Variants in GSPT1 observed in about 807,000 individuals in gnomAD.
GSPT1 encodes eukaryotic peptide chain release factor GTP-binding subunit ERF3A.
In GSPT1, 20 loss-of-function variants were observed where a neutral mutation model predicts 72.5. The ratio of observed to expected loss-of-function variants is 0.28; its 90% CI spans 0.19 to 0.40. The LOEUF is 0.40. Ranked by LOEUF, GSPT1 falls within the 10% of genes least tolerant of loss-of-function variation. The pLI, the probability that GSPT1 is intolerant of heterozygous loss-of-function variation, is 1.00. For synonymous variants in GSPT1, 334 were observed against 293.5 expected, an observed-to-expected ratio of 1.14 and a Z score of -1.41; for missense variants, 580 against 811.9, an observed-to-expected ratio of 0.71 and a Z score of 3.47.
chr16:11,886,236 G>C (rs935255578), intron 9 of GSPT1, among the ~76,000 whole-genome samples: 1 of 152,060 alleles, frequency 6.6e-6, no homozygotes, highest in African/African-American at 2.4e-5. Context: ...GGGACTGGTA[G>C]CCAGTATTAA....
At chr16:11,891,216 T>C in intron 5 of GSPT1, 77 bp from the exon 6 acceptor site, 2 of 722,870 alleles carry the variant, frequency 2.8e-6, no homozygotes, top group Non-Finnish European at 2.2e-6. Flanking sequence ...ACGTGAAAAT[T>C]GTCGAAAATT....
intron 11 of GSPT1, chr16:11,882,270 C>G (rs2054131714): frequency 6.6e-6 from 1 of 152,182 alleles, no homozygotes; most frequent in Admixed American, 6.5e-5. Context: ...GCAGCAACAA[C>G]TAACTAAGAA....
chr16:11,894,144 A>C (rs1489874672), intron 5 of GSPT1, among the ~76,000 whole-genome samples: 1 of 128,162 alleles, frequency 7.8e-6, no homozygotes, highest in Non-Finnish European at 1.6e-5. Flanking sequence ...TGACAGAATG[A>C]GACCCTATCT....
chr16:11,915,673 C>CCG lies in GSPT1; in HGVS notation c.47_48insCG (p.Ser17GlyfsTer131). ...CGCTGCTGCTGCTGCCGCTGCTGCT[C>CCG]CCGCCGCCGCCGCCGCCGCCGCCGC... On this transcript the variant is annotated frameshift_variant, in exon 1 of 15. Transcript: ENST00000434724. LOFTEE classifies it high-confidence loss of function. The CCG allele has an allele frequency of 6.8e-7, 1 of 1,471,628 alleles. No individual in the cohort carries two copies. The highest frequency in any genetic ancestry group is 9.0e-7 in the Non-Finnish European group (1 of 1,116,358). 91.2% of individuals were successfully genotyped at this position (1,471,628 alleles called of 1,614,324 possible). A position where few individuals can be genotyped will look rare whatever the true frequency, so the allele number is the denominator to read the frequency against.
intron 1 of GSPT1, chr16:11,914,841 G>C (rs1347315240): frequency 5.1e-6 from 2 of 395,608 alleles, no homozygotes; most frequent in East Asian, 1.7e-4. Flanking sequence ...ATTCCTTCAG[G>C]ACGGTTGGGG....
intron 8 of GSPT1, 74 bp downstream of exon 8, chr16:11,886,703 C>G (rs2054189961): frequency 1.3e-6 from 2 of 1,552,990 alleles, no homozygotes; most frequent in South Asian, 2.3e-5. Context: ...TAGAAAAACC[C>G]TAGAGAAAAA....
Position 11,877,048 on chromosome 16 carries a change from T to C in GSPT1, c.1602+359A>G, listed in dbSNP as rs551412005. On this transcript the variant is annotated intron_variant, in intron 12 of 14. Transcript: ENST00000434724. The surrounding 1 kb of genome is among the most constrained non-coding windows in gnomAD (Gnocchi z 4.0). ...GTTAATAACAGGGAAACCTGTGTGA[T>C]TTCTTGTCTGGAAAGCTATGTGCTG... Among the ~76,000 whole-genome samples, 4 of 152,334 alleles carry C rather than the reference T, an allele frequency of 2.6e-5. No individual in the cohort carries two copies. Among genetic ancestry groups the C allele is most frequent in the African/African-American group, 7.2e-5 (3 of 41,580 alleles).
rs373799715 is a variant in GSPT1, at chr16:11,886,558, T to A, written c.1166A>T (p.Asn389Ile). ...LVPFLKKVGFNPKKDIHFMPC... is the reference protein window; with the variant it reads ...LVPFLKKVGFIPKKDIHFMPC... ...CATAAAGTGAATGTCCTTTTTGGGA[T>A]TGAAGCCAACTTTTTTCAAAAATGG... is the stretch of plus-strand genomic sequence containing the variant. The change falls in exon 9 of 15, where the codon AAT (asparagine) becomes ATT (isoleucine). Residue 389 changes from asparagine to isoleucine, a missense_variant. Asn to Ile is a moderately radical substitution (Grantham distance 149). Transcript: ENST00000434724. The A allele has an allele frequency of 1.2e-6, 2 of 1,612,694 alleles. No individual in the cohort carries two copies. Among genetic ancestry groups the A allele is most frequent in the Non-Finnish European group, 1.7e-6 (2 of 1,178,836 alleles).
chr16:11,904,629 T>C (rs892527969), intron 1 of GSPT1, among the ~76,000 whole-genome samples: 9 of 152,114 alleles, frequency 5.9e-5, no homozygotes, highest in African/African-American at 1.7e-4. Flanking sequence ...CCTCACAGCA[T>C]ACGTCAGTCA....
In GSPT1 at chr16:11,897,999, C is replaced by T; in HGVS notation, c.389G>A (p.Cys130Tyr). 2 of 1,551,166 alleles carry T rather than the reference C, an allele frequency of 1.3e-6. No homozygotes were observed. The highest frequency in any genetic ancestry group is 1.7e-6 in the Non-Finnish European group (2 of 1,144,252). Reference sequence around the variant, plus strand: ...TTCAAAGAGTACATCATTACCTTCACACAATGACTGTTCCTCTTGAGAGGA... The same window carrying T: ...TTCAAAGAGTACATCATTACCTTCATACAATGACTGTTCCTCTTGAGAGGA... Reference protein sequence around the residue: ...VESSQEEQSLCEGSNSAVSME... With the variant: ...VESSQEEQSLYEGSNSAVSME... The change falls in exon 2 of 15, where the codon TGT becomes TAT. Residue 130 changes from cysteine (C) to tyrosine (Y), a missense_variant. Coordinates refer to ENST00000434724, the MANE Select transcript of GSPT1 (RefSeq NM_002094.4).
At chr16:11,913,466 A>G (rs1331656084) in intron 1 of GSPT1, among the ~76,000 whole-genome samples, 2 of 152,234 alleles carry the variant, frequency 1.3e-5, no homozygotes, top group African/African-American at 4.8e-5. Context: ...TCAAAGAGAA[A>G]AAGATTAGGT....
At position 11,871,025 on chromosome 16, in the gene GSPT1, A is replaced by G. The variant is rs1287033680; in HGVS notation, c.*2094T>C. 6.6e-6 allele frequency: 1 copy of G among 152,224 alleles called. No homozygotes were observed. Among genetic ancestry groups the G allele is most frequent in the Non-Finnish European group, 1.5e-5 (1 of 68,032 alleles). The allele number at this position is 152,224 out of a possible 1,614,324, so 9.4% of individuals were successfully genotyped here. On this transcript the variant is annotated 3_prime_UTR_variant, in exon 15 of 15. Transcript: ENST00000434724. ...GTGGCTCTTGAACTTTTAAATATTCATTAAAATTCAAGCAATTGCTAGTAT... is the reference window on the plus strand; with the variant it reads ...GTGGCTCTTGAACTTTTAAATATTCGTTAAAATTCAAGCAATTGCTAGTAT...
chr16:11,875,803 TA>T lies in GSPT1; in HGVS notation c.1818del (p.Phe606LeufsTer12). 1 of 1,613,234 alleles carries T rather than the reference TA, an allele frequency of 6.2e-7. No individual in the cohort carries two copies. Among genetic ancestry groups the T allele is most frequent in the Non-Finnish European group, 8.5e-7 (1 of 1,179,842 alleles). ...RTAGTICLETFKDFPQMGRFT... is the reference protein window; with the variant it reads ...RTAGTICLETXKDFPQMGRFT... ...AAACGACCCATCTGAGGGAAGTCTT[TA>T]AAGGTCTCAAGGCAGATGGTTCCTG... On this transcript the variant is annotated frameshift_variant, in exon 14 of 15. Coordinates refer to ENST00000434724, the MANE Select transcript of GSPT1 (RefSeq NM_002094.4). LOFTEE classifies it high-confidence loss of function.
rs1208398217 is a variant in GSPT1, at chr16:11,915,392, C to T, written c.329G>A (p.Gly110Asp). The T allele has an allele frequency of 5.3e-6, 8 of 1,498,652 alleles. No individual in the cohort carries two copies. Among genetic ancestry groups the T allele is most frequent in the Non-Finnish European group, 6.2e-6 (7 of 1,128,896 alleles). The allele number at this position is 1,498,652 out of a possible 1,614,324, so 92.8% of individuals were successfully genotyped here. A position where few individuals can be genotyped will look rare whatever the true frequency, so the allele number is the denominator to read the frequency against. The change falls in exon 1 of 15, where the codon GGC becomes GAC. Residue 110 changes from glycine to aspartate, a missense_variant. By Grantham distance (94) the Gly-to-Asp change is moderately conservative. Around this residue, in one of 6 missense-constraint regions of GSPT1, gnomAD observed 327 missense variants for 298.8 expected, o/e 1.09. Coordinates refer to ENST00000434724, the MANE Select transcript of GSPT1 (RefSeq NM_002094.4). ...ACCCGCACGGCCTCCCGCGCCGCTG[C>T]CGGCTCCGTGGTTATTGGCGGCGCC... is the stretch of plus-strand genomic sequence containing the variant. Reference protein sequence around the residue: ...VGGAANNHGAGSGAGGRAAPV... With the variant: ...VGGAANNHGADSGAGGRAAPV...
rs1172399521 is a variant in GSPT1 at position 11,915,359 on chromosome 16, G to A, written c.352+10C>T. 9 of 1,464,098 alleles carry A rather than the reference G, an allele frequency of 6.1e-6. No homozygotes were observed. Among genetic ancestry groups the A allele is most frequent in the Non-Finnish European group, 9.0e-7 (1 of 1,113,684 alleles). 90.7% of individuals were successfully genotyped at this position (1,464,098 alleles called of 1,614,324 possible). ...CCGGCCGGACTTCCTCCCGCGTCCC[G>A]GGCCTTTACCCGCACGGCCTCCCGC... On this transcript the variant is annotated intron_variant, in intron 1 of 14. Transcript: ENST00000434724.
rs534432450 is a variant in GSPT1, at chr16:11,906,249, T to G, written c.353-8214A>C. Among the ~76,000 whole-genome samples the G allele has an allele frequency of 1.1e-4, 16 of 152,274 alleles. 1 individual carries two copies. Among genetic ancestry groups the G allele is most frequent in the Middle Eastern group, 6.8e-3 (2 of 292 alleles). The stretch of plus-strand genomic sequence containing the variant: ...AGGACCCCTAGCCTCCATCTGTACA[T>G]TCATTGCATTTCCATTAGGGCTCAA... On this transcript the variant is annotated intron_variant, in intron 1 of 14. Coordinates refer to ENST00000434724, the MANE Select transcript of GSPT1 (RefSeq NM_002094.4).
intron 13 of GSPT1, 27 bp downstream of exon 13, chr16:11,876,057 CAG>C: frequency 6.6e-7 from 1 of 1,510,074 alleles, no homozygotes; most frequent in South Asian, 1.1e-5. Flanking sequence ...AGTATTAAAA[CAG>C]AAATAAACCA....
At chr16:11,897,244 A>G (rs1346516669) in intron 3 of GSPT1, among the ~76,000 whole-genome samples, 2 of 152,248 alleles carry the variant, frequency 1.3e-5, no homozygotes, top group Non-Finnish European at 1.5e-5. Context: ...GAGAACGTGA[A>G]ACCCTTAAGA....
chr16:11,883,681 G>A (rs981004862), intron 10 of GSPT1, among the ~76,000 whole-genome samples: 4 of 151,434 alleles, frequency 2.6e-5, no homozygotes, highest in African/African-American at 7.3e-5. Flanking sequence ...TTGGGAGGCC[G>A]AAGCGGGTGG....
Sources: gnomAD v4.1 joint callset for allele counts (sites outside exome capture counted in the v4.1 genomes callset) on GRCh38, gnomAD v4.1.1 for gene constraint, gnomAD v4.1.1 regional missense constraint, Gnocchi (gnomAD v3.1) non-coding constraint, MANE v1.5 for transcripts, NCBI Gene and HGNC (gene_info 2026-07-23, HGNC 2026-07-21) for gene names.